LNX1: variants seen among roughly 807,000 people sequenced by gnomAD.
LNX1 encodes the protein E3 ubiquitin-protein ligase LNX.
A neutral mutation model predicts 68.4 loss-of-function variants in LNX1; 54 were observed. The ratio of observed to expected loss-of-function variants is 0.79; its 90% CI spans 0.63 to 0.99. LNX1 has a LOEUF of 0.99. LNX1 is among the 50% of genes least tolerant of loss of function. The pLI is 0.00. For synonymous variants in LNX1, 336 were observed against 350.0 expected (o/e 0.96, Z 0.45); for missense variants, 906 against 926.4 (o/e 0.98, Z 0.29).
At chr4:53,507,260 G>A in intron 4 of LNX1, 57 bp downstream of exon 4, 7 of 1,570,566 alleles carry the variant, frequency 4.5e-6, no homozygotes, top group Non-Finnish European at 6.1e-6. Flanking sequence ...CGTCATCCCT[G>A]AAGTCCCCCT....
intron 9 of LNX1, among the ~76,000 whole-genome samples, chr4:53,470,213 G>C (rs1723051880): frequency 6.6e-6 from 1 of 152,120 alleles, no homozygotes; most frequent in Admixed American, 6.6e-5. Context: ...ACGTAATCCA[G>C]CATATAAACA....
intron 1 of LNX1, among the ~76,000 whole-genome samples, chr4:53,586,383 C>T (rs1732174201): frequency 6.6e-6 from 1 of 152,192 alleles, no homozygotes. Context: ...TAGACCTCCC[C>T]ATCATGCATG....
intron 2 of LNX1, among the ~76,000 whole-genome samples, chr4:53,535,490 A>C (rs1474296008): frequency 6.6e-6 from 1 of 152,184 alleles, no homozygotes; most frequent in Non-Finnish European, 1.5e-5. Context: ...AAATTGGCTC[A>C]TTATGTTGTA....
At chr4:53,589,814 A>G (rs566884785) in intron 1 of LNX1, among the ~76,000 whole-genome samples, 1 of 152,334 alleles carries the variant, frequency 6.6e-6, no homozygotes, top group South Asian at 2.1e-4. Flanking sequence ...TCTGACTCTG[A>G]ATTCCAGTCT....
chr4:53,495,726 T>G (rs1411670883), intron 6 of LNX1, among the ~76,000 whole-genome samples: 1 of 152,082 alleles, frequency 6.6e-6, no homozygotes, highest in Non-Finnish European at 1.5e-5. Context: ...GTATTTTTAG[T>G]AGAGATGGGG....
chr4:53,557,867 G>T lies in LNX1; in HGVS notation c.380+15756C>A, dbSNP rs544413908. ...AACACACAGGCACGGACAGAGAGGG[G>T]ACTCACAGTTCTGAATACAGGAAGT... On this transcript the variant is annotated intron_variant, in intron 2 of 10. Coordinates refer to ENST00000263925, the MANE Select transcript of LNX1 (RefSeq NM_001126328.3). 2.5e-6 allele frequency: 4 copies of T among 1,612,908 alleles called. No homozygotes were observed. The South Asian group carries it at 3.3e-5, about 13-fold the overall frequency.
chr4:53,591,522 G>A, upstream of LNX1: 5 of 985,566 alleles, frequency 5.1e-6, no homozygotes, highest in Non-Finnish European at 6.0e-6. Context: ...GTGCCTGGAG[G>A]AAGGAGGACG....
intron 2 of LNX1, among the ~76,000 whole-genome samples, chr4:53,554,328 G>A: frequency 6.6e-6 from 1 of 152,186 alleles, no homozygotes; most frequent in Non-Finnish European, 1.5e-5. Flanking sequence ...CTTTCCCACT[G>A]GAGTCAATAG....
At chr4:53,565,594 T>A (rs1309574368) in intron 2 of LNX1, among the ~76,000 whole-genome samples, 1 of 152,064 alleles carries the variant, frequency 6.6e-6, no homozygotes, top group Non-Finnish European at 1.5e-5. Flanking sequence ...AGAGCGCCTC[T>A]CCTCCTCCAA....
chr4:53,507,872 AC>A, intron 3 of LNX1, 113 bp downstream of exon 3: 1 of 1,373,894 alleles, frequency 7.3e-7, no homozygotes, highest in Non-Finnish European at 9.8e-7. Flanking sequence ...TGCCAAAACT[AC>A]CAGAACGATT....
chr4:53,631,731 G>A (rs1734281008), intron 1 of LNX1, among the ~76,000 whole-genome samples: 1 of 152,122 alleles, frequency 6.6e-6, no homozygotes, highest in Admixed American at 6.5e-5. Context: ...ATTCTAATAT[G>A]TAGGCCCAAA....
At chr4:53,590,756 A>G (rs1468121861) in intron 1 of LNX1, among the ~76,000 whole-genome samples, 1 of 152,234 alleles carries the variant, frequency 6.6e-6, no homozygotes, top group Non-Finnish European at 1.5e-5. Context: ...CCAGGTCTAA[A>G]TGTAAACAAA....
chr4:53,517,378 C>A (rs1726864027), intron 2 of LNX1, among the ~76,000 whole-genome samples: 3 of 152,140 alleles, frequency 2.0e-5, no homozygotes, highest in Non-Finnish European at 4.4e-5. Context: ...ATAAATGCAT[C>A]AGTCAGCGCC....
intron 1 of LNX1, among the ~76,000 whole-genome samples, chr4:53,648,369 G>A (rs1283347916): frequency 1.3e-5 from 2 of 152,172 alleles, no homozygotes; most frequent in African/African-American, 4.8e-5. Context: ...TTAGTGATGA[G>A]GATCTTTTCC....
At chr4:53,619,279 C>G (rs1436677925), upstream of LNX1, among the ~76,000 whole-genome samples, 1 of 152,188 alleles carries the variant, frequency 6.6e-6, no homozygotes, top group Non-Finnish European at 1.5e-5. Context: ...TATACAAACA[C>G]TATTTCATTT....
chr4:53,560,818 T>C (rs1474468005), intron 2 of LNX1, among the ~76,000 whole-genome samples: 7 of 152,214 alleles, frequency 4.6e-5, no homozygotes, highest in Non-Finnish European at 1.0e-4. Context: ...ACAAAACTTC[T>C]ACCTGGTTAA....
At chr4:53,509,695 T>C (rs1429120677) in intron 2 of LNX1, among the ~76,000 whole-genome samples, 1 of 151,824 alleles carries the variant, frequency 6.6e-6, no homozygotes, top group African/African-American at 2.4e-5. Flanking sequence ...GCAGTTCTCA[T>C]GAGATTGTCG....
chr4:53,461,645 G>T, intron 9 of LNX1, 52 bp from the exon 10 acceptor site: 1 of 1,392,948 alleles, frequency 7.2e-7, no homozygotes, highest in Non-Finnish European at 1.0e-6. Context: ...CACAGTTAAG[G>T]GAATACTTAC....
At chr4:53,518,136 A>T (rs1206965056) in intron 2 of LNX1, among the ~76,000 whole-genome samples, 2 of 152,212 alleles carry the variant, frequency 1.3e-5, no homozygotes, top group African/African-American at 2.4e-5. Flanking sequence ...GGCACCTGGA[A>T]TCTGTCTTGG....
Sources: allele counts gnomAD v4.1 joint callset (sites outside exome capture counted in the v4.1 genomes callset), GRCh38; gene constraint gnomAD v4.1.1; transcripts MANE v1.5; gene names NCBI Gene and HGNC (gene_info 2026-07-23, HGNC 2026-07-21).